Variants in GDAP1 observed in about 807,000 individuals in gnomAD.
GDAP1 encodes ganglioside induced differentiation associated protein 1.
A neutral mutation model predicts 40.1 loss-of-function variants in GDAP1; 34 were observed. The observed-to-expected ratio is 0.85, with a 90% CI of 0.64 to 1.13. The LOEUF is 1.13. Ranked by LOEUF, GDAP1 falls within the 50% of genes most tolerant of loss-of-function variation. GDAP1 has a pLI of 0.00. For synonymous variants in GDAP1, 170 were observed against 157.4 expected, an observed-to-expected ratio of 1.08 and a Z score of -0.60; for missense variants, 374 against 433.7, an observed-to-expected ratio of 0.86 and a Z score of 1.22.
At chr8:74,487,019 C>T (rs568512856) in intron 2 of GDAP1, among the ~76,000 whole-genome samples, 1 of 152,276 alleles carries the variant, frequency 6.6e-6, no homozygotes, top group South Asian at 2.1e-4. Context: ...CTCTCCAAGC[C>T]TCCATTTCCA....
intron 2 of GDAP1, among the ~76,000 whole-genome samples, chr8:74,355,679 C>T (rs1012944830): frequency 6.6e-6 from 1 of 152,102 alleles, no homozygotes; most frequent in Non-Finnish European, 1.5e-5. Context: ...AACTTGGCTA[C>T]TAATCAAAAT....
At chr8:74,481,977 A>G (rs1806717064) in intron 2 of GDAP1, among the ~76,000 whole-genome samples, 1 of 152,154 alleles carries the variant, frequency 6.6e-6, no homozygotes, top group Non-Finnish European at 1.5e-5. Flanking sequence ...AGGAGTCTAA[A>G]AGAGAAATCT....
chr8:74,472,899 C>T (rs1806577994), intron 2 of GDAP1, among the ~76,000 whole-genome samples: 1 of 151,988 alleles, frequency 6.6e-6, no homozygotes, highest in Non-Finnish European at 1.5e-5. Flanking sequence ...AGGTTCGTGC[C>T]ACCGCACCTA....
At chr8:74,473,619 C>T (rs1806588720) in intron 2 of GDAP1, among the ~76,000 whole-genome samples, 1 of 151,696 alleles carries the variant, frequency 6.6e-6, no homozygotes, top group Non-Finnish European at 1.5e-5. Context: ...GTGTATAAGG[C>T]TGTAGCCTTA....
intron 2 of GDAP1, among the ~76,000 whole-genome samples, chr8:74,422,349 CTTCCCTTCCTTCCTT>C (rs1563465538): frequency 3.4e-4 from 12 of 35,490 alleles, no homozygotes; most frequent in East Asian, 9.0e-4. Context: ...TTCTTTCTTT[CTTCCCTTCCTTCCTT>C]CCTTCCTTCC....
chr8:74,379,357 G>A (rs899332500), intron 2 of GDAP1, among the ~76,000 whole-genome samples: 1 of 152,156 alleles, frequency 6.6e-6, no homozygotes, highest in African/African-American at 2.4e-5. Context: ...AGGAGTTTCA[G>A]AGATGAGTGT....
chr8:74,382,376 G>GTTA (rs369987736), intron 2 of GDAP1, among the ~76,000 whole-genome samples: 20 of 141,944 alleles, frequency 1.4e-4, no homozygotes, highest in African/African-American at 4.7e-4. Context: ...ATTGCTAGTG[G>GTTA]TTTTTTTTTT....
chr8:74,482,357 A>G (rs1806723472), intron 2 of GDAP1, among the ~76,000 whole-genome samples: 1 of 152,158 alleles, frequency 6.6e-6, no homozygotes, highest in African/African-American at 2.4e-5. Context: ...CCAGGGGCCT[A>G]TCACCTCTAC....
chr8:74,395,547 C>T (rs1396865619), intron 2 of GDAP1, among the ~76,000 whole-genome samples: 1 of 152,154 alleles, frequency 6.6e-6, no homozygotes, highest in Non-Finnish European at 1.5e-5. Flanking sequence ...GCATGCAATA[C>T]AGTATGTTGA....
chr8:74,478,387 C>T (rs1586847874), intron 2 of GDAP1, among the ~76,000 whole-genome samples: 2 of 151,994 alleles, frequency 1.3e-5, no homozygotes, highest in South Asian at 2.1e-4. Context: ...ACAGGGAGGG[C>T]GTGGGTAGGC....
At chr8:74,481,803 G>A (rs1363066075) in intron 2 of GDAP1, among the ~76,000 whole-genome samples, 1 of 152,104 alleles carries the variant, frequency 6.6e-6, no homozygotes. Flanking sequence ...TAAGGAGAAG[G>A]GGGCTAAAAA....
intron 5 of GDAP1, 122 bp from the exon 6 acceptor site, chr8:74,363,863 T>C (rs1169580256): frequency 1.1e-5 from 9 of 788,448 alleles, no homozygotes; most frequent in Non-Finnish European, 4.4e-6. Context: ...AAAATAAATA[T>C]ATAATGTCCT....
intron 2 of GDAP1, among the ~76,000 whole-genome samples, chr8:74,356,716 A>ATATCTT (rs375377157): frequency 9.6e-6 from 1 of 104,362 alleles, no homozygotes; most frequent in Non-Finnish European, 1.8e-5. Context: ...ATATATATAT[A>ATATCTT]TTTTTTTTTT....
At position 74,364,171 on chromosome 8, in the gene GDAP1, G is replaced by A; in HGVS notation, c.881G>A (p.Gly294Glu). The change falls in exon 6 of 6, where the codon GGA becomes GAA. Residue 294 changes from glycine to glutamate, a missense_variant. Coordinates refer to ENST00000220822, the MANE Select transcript of GDAP1 (RefSeq NM_018972.4). ...LKRKTFNKVL[G>E]HVNNILISAV... ...AGAAAAACATTTAACAAGGTTTTAG[G>A]ACATGTCAACAATATATTAATCTCT... 6.2e-7 allele frequency: 1 copy of A among 1,614,128 alleles called. No individual in the cohort carries two copies. Among genetic ancestry groups the A allele is most frequent in the Admixed American group, 1.7e-5 (1 of 60,028 alleles).
intron 2 of GDAP1, among the ~76,000 whole-genome samples, chr8:74,389,977 T>G (rs1303958563): frequency 6.6e-6 from 1 of 152,210 alleles, no homozygotes; most frequent in Admixed American, 6.5e-5. Flanking sequence ...TTCCGCTAGA[T>G]CAATACTTGC....
intron 2 of GDAP1, among the ~76,000 whole-genome samples, chr8:74,446,959 A>G (rs1806237229): frequency 6.6e-6 from 1 of 152,148 alleles, no homozygotes; most frequent in African/African-American, 2.4e-5. Context: ...GGGAAATTAT[A>G]GAAATGTTCT....
chr8:74,450,140 G>A lies in GDAP1; in HGVS notation c.166-38538G>A, dbSNP rs116594793. 3.9e-3 allele frequency among the ~76,000 whole-genome samples: 590 copies of A among 149,460 alleles called. 3 individuals carry two copies. The highest frequency in any genetic ancestry group is 0.014 in the African/African-American group (564 of 40,724). ...TGTCTTGTTCAATTTCCACATATTCGGTTTAAATATATATTTTATTATTGA... is the reference window on the plus strand; with the variant it reads ...TGTCTTGTTCAATTTCCACATATTCAGTTTAAATATATATTTTATTATTGA... On this transcript the variant is annotated intron_variant, in intron 2 of 2. Transcript: ENST00000523640.
chr8:74,456,293 T>C (rs1340263972), intron 2 of GDAP1, among the ~76,000 whole-genome samples: 2 of 151,982 alleles, frequency 1.3e-5, no homozygotes, highest in East Asian at 1.9e-4. Context: ...CAGTCTGTCT[T>C]GTATCTGAAA....
intron 2 of GDAP1, among the ~76,000 whole-genome samples, chr8:74,483,158 T>TA (rs1806734280): frequency 6.6e-6 from 1 of 152,176 alleles, no homozygotes; most frequent in African/African-American, 2.4e-5. Context: ...TATGTGTAAG[T>TA]AATTATTATT....
Sources: allele counts gnomAD v4.1 joint callset (sites outside exome capture counted in the v4.1 genomes callset), GRCh38; gene constraint gnomAD v4.1.1; transcripts MANE v1.5; gene names NCBI Gene and HGNC (gene_info 2026-07-23, HGNC 2026-07-21).